Variants in COL6A5 observed in about 807,000 individuals in gnomAD.
COL6A5 encodes collagen type VI alpha 5 chain.
COL6A5 carries 48 observed loss-of-function variants against 65.6 expected under a neutral mutation model. The observed-to-expected ratio is 0.73, with a 90% CI of 0.58 to 0.93. The LOEUF (loss-of-function observed/expected upper bound fraction) is 0.93, where lower values mean the gene tolerates loss of function less well. Among genes scored for constraint, COL6A5 ranks in the 40% least tolerant of loss-of-function variants. COL6A5 has a pLI of 0.00. For missense variants in COL6A5, 914 were observed against 928.3 expected (o/e 0.98, Z 0.20); for synonymous variants, 291 against 322.8 (o/e 0.90, Z 1.05).
chr3:130,432,162 G>T lies in COL6A5; in HGVS notation c.487+213G>T, dbSNP rs530157071. Among the ~76,000 whole-genome samples the T allele has an allele frequency of 2.6e-3, 401 of 152,202 alleles. 3 individuals carry two copies. Among genetic ancestry groups the T allele is most frequent in the African/African-American group, 8.2e-3 (341 of 41,534 alleles). ...AACAGCAACCACATTTGCTCAGCTC[G>T]TGCTGTATGCCAGGCACTGTCCCTA... On this transcript the variant is annotated intron_variant, in intron 1 of 7. Coordinates refer to ENST00000512836, the Ensembl canonical transcript of COL6A5.
exon 3 of COL6A5, chr3:130,376,368 T>C (rs748488960): frequency 2.5e-6 from 4 of 1,613,584 alleles, no homozygotes; most frequent in Admixed American, 1.7e-5. Context: ...GGCCAACAAA[T>C]ACCGTGTAGC....
upstream of COL6A5, among the ~76,000 whole-genome samples, chr3:130,430,292 C>T (rs1417937300): frequency 6.6e-6 from 1 of 152,126 alleles, no homozygotes; most frequent in East Asian, 1.9e-4. Context: ...TTTTCTTATT[C>T]TATTGTTTAT....
At chr3:130,444,859 T>G (rs977956567) in intron 4 of COL6A5, among the ~76,000 whole-genome samples, 2 of 152,198 alleles carry the variant, frequency 1.3e-5, no homozygotes, top group African/African-American at 4.8e-5. Flanking sequence ...CAATGATAAG[T>G]TATCTTCCCT....
Position 130,388,576 on chromosome 3 carries a change from G to T in COL6A5, c.1862-4G>T. On this transcript the variant is annotated splice_region_variant and splice_polypyrimidine_tract_variant and intron_variant and NMD_transcript_variant, in intron 5 of 41. Transcript: ENST00000312481. ...TTTCTGGTCTTTTTTTTTATAACAT[G>T]CAGGATGTGAAGACATGAAGGCCGA... 1.3e-6 allele frequency: 2 copies of T among 1,517,194 alleles called. No individual in the cohort carries two copies. The highest frequency in any genetic ancestry group is 2.3e-5 in the Admixed American group (1 of 44,428). 94.0% of individuals were successfully genotyped at this position (1,517,194 alleles called of 1,614,324 possible).
At chr3:130,431,605 G>A in exon 1 of COL6A5, 2 of 1,551,606 alleles carry the variant, frequency 1.3e-6, no homozygotes, top group East Asian at 2.4e-5. Flanking sequence ...TAACTGTCCT[G>A]TGGGAGCAAG....
intron 19 of COL6A5, 116 bp downstream of exon 19, chr3:130,410,190 AGACCTT>A: frequency 2.6e-6 from 2 of 781,676 alleles, no homozygotes; most frequent in Non-Finnish European, 4.1e-6. Flanking sequence ...CACATTGAAA[AGACCTT>A]TATTTTTTGA....
At chr3:130,466,746 C>T (rs533424591) in intron 5 of COL6A5, among the ~76,000 whole-genome samples, 6 of 151,934 alleles carry the variant, frequency 3.9e-5, no homozygotes, top group Admixed American at 1.3e-4. Context: ...AAAGAGAAGA[C>T]ACAACTTTCC....
chr3:130,414,076 C>A, exon 22 of COL6A5: 1 of 1,550,358 alleles, frequency 6.5e-7, no homozygotes, highest in African/African-American at 1.4e-5. Flanking sequence ...CAGGGAGAAC[C>A]AGGAAATCCT....
At chr3:130,385,110 T>C in exon 5 of COL6A5, 1 of 1,551,002 alleles carries the variant, frequency 6.4e-7, no homozygotes, top group East Asian at 2.4e-5. Context: ...AAAAATGGAA[T>C]GAAGGATAGA....
intron 6 of COL6A5, 145 bp from the exon 7 acceptor site, chr3:130,391,034 G>A: frequency 1.5e-6 from 1 of 651,986 alleles, no homozygotes. Context: ...CTGTAAAATG[G>A]CAGCAGCCAC....
upstream of COL6A5, chr3:130,429,674 G>A: frequency 9.4e-7 from 1 of 1,064,998 alleles, no homozygotes; most frequent in Non-Finnish European, 1.3e-6. Context: ...AACTCCGTGG[G>A]AAACAGGACT....
At chr3:130,345,864 C>T (rs986608858) in exon 1 of COL6A5, 6 of 398,416 alleles carry the variant, frequency 1.5e-5, no homozygotes, top group Non-Finnish European at 2.7e-5. Flanking sequence ...TATCCAACTG[C>T]GCCGCGGGCG....
chr3:130,408,328 T>G (rs540773374), intron 17 of COL6A5, among the ~76,000 whole-genome samples: 3 of 152,156 alleles, frequency 2.0e-5, no homozygotes, highest in Non-Finnish European at 2.9e-5. Flanking sequence ...GGAGTGTCTG[T>G]CTTATGTAGT....
chr3:130,468,954 T>C (rs747890249), exon 6 of COL6A5: 2 of 1,612,698 alleles, frequency 1.2e-6, no homozygotes, highest in South Asian at 1.1e-5. Flanking sequence ...ATAACCTCAG[T>C]GCTTGATTAC....
At chr3:130,409,934 C>T (rs1192887946) in intron 18 of COL6A5, 75 bp from the exon 19 acceptor site, 3 of 1,047,284 alleles carry the variant, frequency 2.9e-6, no homozygotes, top group Non-Finnish European at 4.3e-6. Context: ...TAGCTTAGTA[C>T]TTGAACATCA....
intron 4 of COL6A5, among the ~76,000 whole-genome samples, chr3:130,445,265 T>A (rs1291097667): frequency 6.6e-6 from 1 of 152,220 alleles, no homozygotes; most frequent in Non-Finnish European, 1.5e-5. Flanking sequence ...ATTAAATGTA[T>A]TGAGGGGGAG....
exon 5 of COL6A5, chr3:130,384,870 A>G: frequency 6.4e-7 from 1 of 1,550,798 alleles, no homozygotes. Flanking sequence ...ATCCAGGAGA[A>G]ACAGTTTGAG....
rs151256513 is a variant in COL6A5 at position 130,456,072 on chromosome 3, G to A, written c.1544+406G>A. Among the ~76,000 whole-genome samples the A allele has an allele frequency of 2.0e-3, 307 of 152,126 alleles. 2 individuals are homozygous for A. Among genetic ancestry groups the A allele is most frequent in the African/African-American group, 6.7e-3 (277 of 41,516 alleles). On this transcript the variant is annotated intron_variant, in intron 5 of 7. Coordinates refer to ENST00000512836, the Ensembl canonical transcript of COL6A5. Reference sequence around the variant, plus strand: ...TGCAATGGTGTGGTCTTGGCTCACCGCAACCTCCGCCACCCGGGTTCAAGC... The same window carrying A: ...TGCAATGGTGTGGTCTTGGCTCACCACAACCTCCGCCACCCGGGTTCAAGC...
chr3:130,372,902 G>A lies in COL6A5; in HGVS notation c.-28-709G>A, dbSNP rs914361015. ...AAGGGAGATCTATTTTTTGAGTATC[G>A]GCCATTTAAATCTATTTCTATTCTT... is the stretch of plus-strand genomic sequence containing the variant. On this transcript the variant is annotated intron_variant and NMD_transcript_variant, in intron 1 of 41. Coordinates refer to the COL6A5 transcript ENST00000312481. Among the ~76,000 whole-genome samples, 5 of 152,074 alleles carry A rather than the reference G, an allele frequency of 3.3e-5. No individual in the cohort carries two copies. The East Asian group carries it at 7.7e-4, about 24-fold the overall frequency.
Sources: allele counts gnomAD v4.1 joint callset (sites outside exome capture counted in the v4.1 genomes callset), GRCh38; gene constraint gnomAD v4.1.1; transcripts MANE v1.5; gene names NCBI Gene and HGNC (gene_info 2026-07-23, HGNC 2026-07-21).